The following PCDH15 variants were observed in gnomAD, a reference collection of about 807,000 sequenced individuals.
PCDH15 encodes the protein protocadherin-15.
A neutral mutation model predicts 178.5 loss-of-function variants in PCDH15; 129 were observed. That is an observed-to-expected ratio of 0.72 (90% confidence interval 0.63 to 0.84). PCDH15 has a LOEUF of 0.84. Among genes scored for constraint, PCDH15 ranks in the 40% least tolerant of loss-of-function variants. PCDH15 has a pLI of 0.00. For synonymous variants in PCDH15, 800 were observed against 732.0 expected, an observed-to-expected ratio of 1.09 and a Z score of -1.50; for missense variants, 2,230 against 2,099.9, an observed-to-expected ratio of 1.06 and a Z score of -1.21.
At chr10:55,116,038 T>C (rs1181871461) in intron 2 of PCDH15, among the ~76,000 whole-genome samples, 3 of 152,146 alleles carry the variant, frequency 2.0e-5, no homozygotes, top group Non-Finnish European at 4.4e-5. Context: ...CCCCGACCTT[T>C]ACCCTATTTA....
intron 6 of PCDH15, among the ~76,000 whole-genome samples, chr10:54,335,587 G>A (rs1008109131): frequency 3.9e-5 from 6 of 152,110 alleles, no homozygotes; most frequent in African/African-American, 1.4e-4. Flanking sequence ...CTTTTATAAA[G>A]GGAAATCACT....
At chr10:55,150,565 T>C (rs149634193) in intron 2 of PCDH15, among the ~76,000 whole-genome samples, 1 of 152,122 alleles carries the variant, frequency 6.6e-6, no homozygotes, top group Non-Finnish European at 1.5e-5. Flanking sequence ...AACTATAAAT[T>C]TGATATGATT....
intron 1 of PCDH15, among the ~76,000 whole-genome samples, chr10:54,784,091 T>G (rs1372121270): frequency 1.3e-5 from 2 of 151,998 alleles, no homozygotes; most frequent in Non-Finnish European, 2.9e-5. Context: ...CTCACTATCA[T>G]GAGAACAGCA....
intron 2 of PCDH15, among the ~76,000 whole-genome samples, chr10:55,616,871 C>T (rs1392224575): frequency 6.6e-6 from 1 of 151,884 alleles, no homozygotes; most frequent in African/African-American, 2.4e-5. Flanking sequence ...ACTAGTAAAA[C>T]CTATTAAAGT....
intron 1 of PCDH15, among the ~76,000 whole-genome samples, chr10:55,255,139 T>C (rs1244893008): frequency 2.0e-5 from 3 of 152,180 alleles, no homozygotes; most frequent in Non-Finnish European, 4.4e-5. Flanking sequence ...TGGGTGATGT[T>C]CCCCTTCCTG....
intron 3 of PCDH15, among the ~76,000 whole-genome samples, chr10:54,399,611 C>A (rs1483536703): frequency 6.6e-6 from 1 of 152,078 alleles, no homozygotes; most frequent in African/African-American, 2.4e-5. Context: ...TAACTGTATT[C>A]CAACTAGAGA....
chr10:53,973,695 T>G (rs999003064), intron 21 of PCDH15, among the ~76,000 whole-genome samples: 5 of 152,142 alleles, frequency 3.3e-5, no homozygotes, highest in Admixed American at 6.5e-5. Context: ...TTCCCTGTAT[T>G]CACACAGTAT....
At chr10:55,548,171 A>T (rs185645011) in intron 2 of PCDH15, among the ~76,000 whole-genome samples, 216 of 150,120 alleles carry the variant, frequency 1.4e-3, no homozygotes, top group African/African-American at 5.2e-3. Context: ...ATGGAGCAGA[A>T]ACGAACTGCT....
At chr10:55,154,269 C>T (rs1196539411) in intron 2 of PCDH15, among the ~76,000 whole-genome samples, 1 of 151,928 alleles carries the variant, frequency 6.6e-6, no homozygotes, top group Non-Finnish European at 1.5e-5. Flanking sequence ...ATAATGAAAA[C>T]AAGTATAATA....
At chr10:55,571,503 G>C (rs969217743) in intron 2 of PCDH15, among the ~76,000 whole-genome samples, 1 of 151,890 alleles carries the variant, frequency 6.6e-6, no homozygotes, top group Non-Finnish European at 1.5e-5. Flanking sequence ...ATTATTAATA[G>C]GTAATAATTT....
chr10:54,675,474 T>A (rs1201759142), intron 1 of PCDH15, among the ~76,000 whole-genome samples: 3 of 151,514 alleles, frequency 2.0e-5, no homozygotes, highest in South Asian at 4.1e-4. Context: ...TTTTTTTTTT[T>A]TTCAATCTGA....
At chr10:54,188,580 T>C (rs1222044914) in intron 11 of PCDH15, among the ~76,000 whole-genome samples, 2 of 151,874 alleles carry the variant, frequency 1.3e-5, no homozygotes, top group Admixed American at 6.6e-5. Context: ...CTGCATATTA[T>C]ATTTTGAGAT....
At chr10:54,069,922 T>A (rs1454152002) in intron 17 of PCDH15, among the ~76,000 whole-genome samples, 1 of 152,166 alleles carries the variant, frequency 6.6e-6, no homozygotes, top group Non-Finnish European at 1.5e-5. Context: ...ATATATATAA[T>A]GCCAGTTAAA....
chr10:54,358,465 C>A (rs1362259547), intron 5 of PCDH15, among the ~76,000 whole-genome samples: 2 of 152,100 alleles, frequency 1.3e-5, no homozygotes, highest in African/African-American at 4.8e-5. Flanking sequence ...CAATGAGATA[C>A]CATCTCACAC....
intron 26 of PCDH15, among the ~76,000 whole-genome samples, chr10:53,898,073 T>C (rs201846134): frequency 0.35 from 20,249 of 58,438 alleles, 1,563 homozygotes; most frequent in East Asian, 0.55. Context: ...TTCATGCCAA[T>C]CTCCTGCCTC....
At chr10:53,984,079 C>G (rs961526293) in intron 21 of PCDH15, among the ~76,000 whole-genome samples, 1 of 148,788 alleles carries the variant, frequency 6.7e-6, no homozygotes, top group Non-Finnish European at 1.5e-5. Context: ...CATGCTCCCT[C>G]TTATCTGGTT....
At position 55,236,547 on chromosome 10, in the gene PCDH15, T is replaced by C. The variant is rs1841390812; in HGVS notation, c.-155-69896A>G. Among the ~76,000 whole-genome samples, 3 of 152,048 alleles carry C rather than the reference T, an allele frequency of 2.0e-5. No homozygotes were observed. The South Asian group carries it at 6.2e-4, about 31-fold the overall frequency. ...CAATTTGTGCCTTATTAAACATTAA[T>C]AGAAATGCCCATATTGCTAATCAAA... is the stretch of plus-strand genomic sequence containing the variant. On this transcript the variant is annotated intron_variant, in intron 1 of 5. Coordinates refer to the PCDH15 transcript ENST00000458638.
chr10:55,548,946 G>C (rs985295941), intron 2 of PCDH15, among the ~76,000 whole-genome samples: 1 of 152,020 alleles, frequency 6.6e-6, no homozygotes, highest in South Asian at 2.1e-4. Flanking sequence ...GAAAACAAAA[G>C]AATAATTTTA....
intron 1 of PCDH15, among the ~76,000 whole-genome samples, chr10:55,279,987 C>T (rs952054182): frequency 6.6e-6 from 1 of 152,130 alleles, no homozygotes; most frequent in Non-Finnish European, 1.5e-5. Flanking sequence ...ATAATATCCA[C>T]CAGCCTATCA....
Sources: gnomAD v4.1 joint callset for allele counts (sites outside exome capture counted in the v4.1 genomes callset) on GRCh38, gnomAD v4.1.1 for gene constraint, MANE v1.5 for transcripts, NCBI Gene and HGNC (gene_info 2026-07-23, HGNC 2026-07-21) for gene names.